Variants in B9D1 observed in about 807,000 individuals in gnomAD.
B9D1 encodes the protein B9 domain-containing protein 1.
B9D1 carries 20 observed loss-of-function variants against 26.1 expected under a neutral mutation model. The observed-to-expected ratio is 0.77, with a 90% confidence interval of 0.54 to 1.12. The LOEUF is 1.12. Ranked by LOEUF, B9D1 falls within the 50% of genes most tolerant of loss-of-function variation. The pLI is 0.00. For synonymous variants in B9D1, 105 were observed against 103.1 expected (o/e 1.02, Z -0.11); for missense variants, 260 against 273.7 (o/e 0.95, Z 0.35).
intron 3 of B9D1, among the ~76,000 whole-genome samples, chr17:19,352,768 G>A (rs1343820693): frequency 4.6e-5 from 7 of 151,868 alleles, no homozygotes; most frequent in African/African-American, 1.5e-4. Context: ...GGATCCGCCC[G>A]CCTTGGCCTC....
Position 19,374,985 on chromosome 17 carries a change from T to A in B9D1, c.-298+2874A>T, listed in dbSNP as rs536616889. 3.3e-5 allele frequency among the ~76,000 whole-genome samples: 5 copies of A among 152,228 alleles called. No individual in the cohort carries two copies. The South Asian group carries it at 1.0e-3, about 32-fold the overall frequency. ...GACAGCTCAACAATAAAAAGGCAAA[T>A]AATCCAATTAAAAATGGACAGAGGG... On this transcript the variant is annotated intron_variant, in intron 1 of 5. Coordinates refer to the B9D1 transcript ENST00000477478.
chr17:19,371,343 TTGTC>T (rs1262154635), intron 1 of B9D1: 1 of 152,272 alleles, frequency 6.6e-6, no homozygotes, highest in Non-Finnish European at 1.5e-5. Flanking sequence ...CCTAAGAGTG[TTGTC>T]TGTGTGTCAA....
At chr17:19,346,384 G>T (rs1430305578) in intron 5 of B9D1, among the ~76,000 whole-genome samples, 1 of 152,232 alleles carries the variant, frequency 6.6e-6, no homozygotes, top group Non-Finnish European at 1.5e-5. Context: ...CCACCCAGCA[G>T]GGCTCTGGCC....
intron 1 of B9D1, 59 bp downstream of exon 1, chr17:19,362,448 C>G (rs747379585): frequency 8.0e-6 from 11 of 1,377,402 alleles, no homozygotes; most frequent in Non-Finnish European, 9.8e-6. Context: ...CGGGGGGTTG[C>G]GGGAAGGGCC....
intron 6 of B9D1, 32 bp downstream of exon 6, chr17:19,343,758 G>GT: frequency 6.2e-7 from 1 of 1,613,248 alleles, no homozygotes. Flanking sequence ...CCTGTATGGG[G>GT]GATGGGGGTA....
At chr17:19,376,624 C>CAAAAAAAAAAAAAA (rs56972267) in intron 1 of B9D1, among the ~76,000 whole-genome samples, 1 of 48,970 alleles carries the variant, frequency 2.0e-5, no homozygotes, top group African/African-American at 7.1e-5. Flanking sequence ...TACTAAAATA[C>CAAAAAAAAAAAAAA]AAAAAAAAAA....
upstream of B9D1, chr17:19,362,761 G>C: frequency 6.7e-7 from 1 of 1,492,320 alleles, no homozygotes; most frequent in Non-Finnish European, 9.0e-7. Context: ...AAGGGGGCGG[G>C]GCACAAGGGG....
At chr17:19,362,817 C>A, upstream of B9D1, 1 of 1,151,744 alleles carries the variant, frequency 8.7e-7, no homozygotes. Flanking sequence ...GCAGGTATGA[C>A]CGAGAGCTGG....
rs191877082 is a variant in B9D1, at chr17:19,372,993, C to G, written c.-298+4866G>C. Among the ~76,000 whole-genome samples, 1 of 152,168 alleles carries G rather than the reference C, an allele frequency of 6.6e-6. No homozygotes were observed. Among genetic ancestry groups the G allele is most frequent in the African/African-American group, 2.4e-5 (1 of 41,434 alleles). ...TGTGGGGAAATGGCCCTCATCCATA[C>G]GTGGTCTGAGGAGTTTGGCTGAGCC... On this transcript the variant is annotated intron_variant, in intron 1 of 5. Coordinates refer to the B9D1 transcript ENST00000477478. This position sits in a 1 kb window ranked among gnomAD's most constrained non-coding sequence, Gnocchi z 4.4.
chr17:19,358,021 T>C, intron 2 of B9D1, 70 bp from the exon 3 acceptor site: 1 of 1,186,238 alleles, frequency 8.4e-7, no homozygotes, highest in South Asian at 1.2e-5. Flanking sequence ...TCCCCTTACC[T>C]TCAGCAGGCA....
At position 19,347,678 on chromosome 17, in the gene B9D1, C is replaced by T; in HGVS notation, c.341+106G>A. ...GCCACCAGGCTGAGCTGCCCAGGCCCCTGGAGACCCCAGAGCATTCCCAGC... is the reference window on the plus strand; with the variant it reads ...GCCACCAGGCTGAGCTGCCCAGGCCTCTGGAGACCCCAGAGCATTCCCAGC... On this transcript the variant is annotated intron_variant, in intron 4 of 6. Coordinates refer to ENST00000261499, the MANE Select transcript of B9D1 (RefSeq NM_015681.6). The surrounding 1 kb of genome is among the most constrained non-coding windows in gnomAD (Gnocchi z 4.3). The T allele has an allele frequency of 8.6e-7, 1 of 1,156,672 alleles. No homozygotes were observed. The highest frequency in any genetic ancestry group is 1.5e-5 in the African/African-American group (1 of 65,838). 71.7% of individuals were successfully genotyped at this position (1,156,672 alleles called of 1,614,324 possible).
chr17:19,377,477 G>A (rs1296183908), intron 1 of B9D1, among the ~76,000 whole-genome samples: 2 of 152,206 alleles, frequency 1.3e-5, no homozygotes, highest in Non-Finnish European at 2.9e-5. Flanking sequence ...TACACCAAAG[G>A]GGAGGTAGGT....
chr17:19,343,716 C>T, intron 6 of B9D1, 74 bp downstream of exon 6: 1 of 1,613,564 alleles, frequency 6.2e-7, no homozygotes, highest in Non-Finnish European at 8.5e-7. Flanking sequence ...GCATTCACCC[C>T]AACCCTGGGC....
chr17:19,339,741 G>A (rs1907747133), downstream of B9D1, among the ~76,000 whole-genome samples: 2 of 152,172 alleles, frequency 1.3e-5, no homozygotes, highest in South Asian at 4.1e-4. Flanking sequence ...TTCAATGTGT[G>A]CCTCAAAGGG....
At chr17:19,337,709 T>C (rs1435185593), downstream of B9D1, 15 of 1,534,108 alleles carry the variant, frequency 9.8e-6, no homozygotes, top group Non-Finnish European at 1.1e-5. Context: ...CGCTTTCATC[T>C]TGAAACACTG....
At chr17:19,335,504 C>T (rs527816296), downstream of B9D1, 198 of 1,538,320 alleles carry the variant, frequency 1.3e-4, 2 homozygotes, top group South Asian at 1.7e-3. Flanking sequence ...TCTTAATCCA[C>T]GCTCAGGCTA....
chr17:19,348,299 G>C (rs1909132068), intron 3 of B9D1, among the ~76,000 whole-genome samples: 2 of 152,058 alleles, frequency 1.3e-5, no homozygotes, highest in South Asian at 4.2e-4. Context: ...TCATTTTGGG[G>C]GTGTCTAGAA....
chr17:19,362,859 G>T, upstream of B9D1: 1 of 666,364 alleles, frequency 1.5e-6, no homozygotes, highest in Non-Finnish European at 2.4e-6. Context: ...GGTAAAGCCA[G>T]CCCTACCGCT....
intron 3 of B9D1, among the ~76,000 whole-genome samples, chr17:19,354,786 C>T (rs1210359453): frequency 1.3e-5 from 2 of 152,182 alleles, no homozygotes; most frequent in Non-Finnish European, 2.9e-5. Flanking sequence ...CGAGATCGCG[C>T]CACTGCACTA....
Sources: gnomAD v4.1 joint callset for allele counts (sites outside exome capture counted in the v4.1 genomes callset) on GRCh38, gnomAD v4.1.1 for gene constraint, Gnocchi (gnomAD v3.1) non-coding constraint, MANE v1.5 for transcripts, NCBI Gene and HGNC (gene_info 2026-07-23, HGNC 2026-07-21) for gene names.